EYS: variants seen among roughly 807,000 people sequenced by gnomAD.
EYS encodes the protein protein eyes shut homolog.
EYS carries 250 observed loss-of-function variants against 282.1 expected under a neutral mutation model. The observed-to-expected ratio is 0.89, with a 90% CI of 0.80 to 0.98. The LOEUF is 0.98. Ranked by LOEUF, EYS falls within the 50% of genes least tolerant of loss-of-function variation. The pLI, the probability that EYS is intolerant of heterozygous loss-of-function variation, is 0.00. For missense variants in EYS, 4,016 were observed against 3,709.0 expected (o/e 1.08, Z -2.15); for synonymous variants, 1,355 against 1,282.9 (o/e 1.06, Z -1.20).
chr6:64,466,829 A>G (rs1469706424), intron 26 of EYS, among the ~76,000 whole-genome samples: 2 of 152,292 alleles, frequency 1.3e-5, no homozygotes, highest in East Asian at 3.9e-4. Context: ...ATTTATAGAT[A>G]TTTCAAAATA....
chr6:63,996,386 T>C (rs949013798), intron 34 of EYS, among the ~76,000 whole-genome samples: 4 of 152,088 alleles, frequency 2.6e-5, no homozygotes, highest in Admixed American at 2.0e-4. Flanking sequence ...ATCTGTTCCA[T>C]AATAATGTGT....
intron 26 of EYS, among the ~76,000 whole-genome samples, chr6:64,453,773 C>A (rs1411665782): frequency 6.6e-6 from 1 of 152,012 alleles, no homozygotes; most frequent in Non-Finnish European, 1.5e-5. Flanking sequence ...AACCAAACAC[C>A]GCATGTTCTC....
At chr6:64,618,660 T>A (rs1767349108) in intron 23 of EYS, among the ~76,000 whole-genome samples, 1 of 152,150 alleles carries the variant, frequency 6.6e-6, no homozygotes, top group South Asian at 2.1e-4. Flanking sequence ...AAGAAACAAA[T>A]AGGGCCTGAG....
chr6:64,792,208 G>C (rs563877983), intron 22 of EYS, among the ~76,000 whole-genome samples: 2 of 151,726 alleles, frequency 1.3e-5, no homozygotes, highest in African/African-American at 4.8e-5. Context: ...TATTAACCTT[G>C]CCCAAATTAT....
chr6:64,525,565 C>G (rs1286007768), intron 26 of EYS, among the ~76,000 whole-genome samples: 1 of 151,526 alleles, frequency 6.6e-6, no homozygotes, highest in East Asian at 1.9e-4. Context: ...AAAAATAATA[C>G]TTGGTACTGG....
intron 7 of EYS, among the ~76,000 whole-genome samples, chr6:65,398,902 C>G (rs980662334): frequency 6.6e-6 from 1 of 152,038 alleles, no homozygotes; most frequent in Non-Finnish European, 1.5e-5. Flanking sequence ...GTTTATTTCC[C>G]AACCTTTCAA....
intron 12 of EYS, among the ~76,000 whole-genome samples, chr6:65,172,674 A>G (rs1372451669): frequency 6.6e-6 from 1 of 151,440 alleles, no homozygotes; most frequent in African/African-American, 2.4e-5. Flanking sequence ...GACATAAAAC[A>G]GATTTGTATT....
intron 31 of EYS, among the ~76,000 whole-genome samples, chr6:64,136,663 T>G (rs1441438837): frequency 6.6e-6 from 1 of 152,172 alleles, no homozygotes; most frequent in Non-Finnish European, 1.5e-5. Context: ...ACATTTGTCA[T>G]GAGCAGTAAT....
chr6:64,462,907 G>A (rs1775793231), intron 26 of EYS, among the ~76,000 whole-genome samples: 1 of 148,894 alleles, frequency 6.7e-6, no homozygotes, highest in Admixed American at 6.7e-5. Context: ...CTTCTCTACA[G>A]AACTGCTTTC....
intron 28 of EYS, among the ~76,000 whole-genome samples, chr6:64,393,517 T>C (rs143329189): frequency 0.31 from 46,648 of 151,166 alleles, 7,170 homozygotes; most frequent in East Asian, 0.46. Context: ...ATAAACAGAG[T>C]CAAAGACAAA....
At chr6:64,700,623 A>C (rs1049837500) in intron 22 of EYS, among the ~76,000 whole-genome samples, 4 of 152,054 alleles carry the variant, frequency 2.6e-5, no homozygotes, top group African/African-American at 9.6e-5. Flanking sequence ...AATTATGTTT[A>C]TGATAACTAA....
At chr6:64,645,936 A>T (rs1180918387) in intron 22 of EYS, among the ~76,000 whole-genome samples, 1 of 152,210 alleles carries the variant, frequency 6.6e-6, no homozygotes, top group Non-Finnish European at 1.5e-5. Context: ...CTTATCACAA[A>T]AGTATATTTT....
intron 12 of EYS, among the ~76,000 whole-genome samples, chr6:65,212,498 C>G (rs1766200108): frequency 6.6e-6 from 1 of 152,004 alleles, no homozygotes; most frequent in African/African-American, 2.4e-5. Flanking sequence ...ATGTTAGCCA[C>G]TAGTTATGTG....
At chr6:64,945,339 A>C (rs576991515) in intron 15 of EYS, among the ~76,000 whole-genome samples, 1 of 152,126 alleles carries the variant, frequency 6.6e-6, no homozygotes, top group Admixed American at 6.6e-5. Context: ...TGAATTATGG[A>C]ATATGTGGAA....
chr6:65,694,149 T>C (rs573292306), intron 1 of EYS, among the ~76,000 whole-genome samples: 1 of 150,294 alleles, frequency 6.7e-6, no homozygotes, highest in Admixed American at 6.7e-5. Flanking sequence ...GCTACGCTAC[T>C]CAGGAGGCTG....
chr6:65,577,457 G>T (rs976613773), intron 2 of EYS, among the ~76,000 whole-genome samples: 6 of 151,744 alleles, frequency 4.0e-5, no homozygotes, highest in African/African-American at 1.4e-4. Context: ...CATAAGACAT[G>T]AAACTATACA....
chr6:64,832,893 T>C (rs550417533), intron 19 of EYS, among the ~76,000 whole-genome samples: 1 of 152,018 alleles, frequency 6.6e-6, no homozygotes, highest in East Asian at 1.9e-4. Context: ...ATCTAAGTAT[T>C]TCAAAGGACA....
chr6:65,601,564 T>C (rs776575369), intron 2 of EYS, among the ~76,000 whole-genome samples: 37 of 151,968 alleles, frequency 2.4e-4, no homozygotes, highest in Non-Finnish European at 4.9e-4. Context: ...TGGATGCTAA[T>C]TCTATCCAGA....
intron 14 of EYS, among the ~76,000 whole-genome samples, chr6:64,953,177 A>G (rs1334401832): frequency 6.6e-6 from 1 of 151,832 alleles, no homozygotes; most frequent in Non-Finnish European, 1.5e-5. Context: ...GTTTTTATAC[A>G]TTAGAATTAT....
Sources: allele counts gnomAD v4.1 joint callset (sites outside exome capture counted in the v4.1 genomes callset), GRCh38; gene constraint gnomAD v4.1.1; transcripts MANE v1.5; gene names NCBI Gene and HGNC (gene_info 2026-07-23, HGNC 2026-07-21).